Variants in MEIS1 observed in about 807,000 individuals in gnomAD.
MEIS1 encodes Meis homeobox 1, also known as homeobox protein Meis1.
MEIS1 carries 5 observed loss-of-function variants against 50.8 expected under a neutral mutation model. That is an observed-to-expected ratio of 0.10 (90% CI 0.05 to 0.21). The LOEUF is 0.21. Among genes scored for constraint, MEIS1 ranks in the 10% least tolerant of loss-of-function variants. The probability of loss-of-function intolerance (pLI) is 1.00; values close to 1 mark genes in which losing one functional copy is unlikely to be tolerated. For missense variants in MEIS1, 318 were observed against 517.3 expected, an observed-to-expected ratio of 0.61 and a Z score of 3.74; for synonymous variants, 176 against 179.3, an observed-to-expected ratio of 0.98 and a Z score of 0.15.
At chr2:66,517,713 C>T (rs1317223537) in intron 8 of MEIS1, among the ~76,000 whole-genome samples, 2 of 152,034 alleles carry the variant, frequency 1.3e-5, no homozygotes, top group South Asian at 2.1e-4. Flanking sequence ...GAAATGGAGT[C>T]GATTATTTAA....
intron 4 of MEIS1, chr2:66,440,972 A>C: frequency 2.8e-6 from 1 of 355,742 alleles, no homozygotes. Flanking sequence ...CAGCCACCGG[A>C]CAAGAGCCCC....
chr2:66,496,680 G>A (rs1286832717), intron 7 of MEIS1, among the ~76,000 whole-genome samples: 1 of 152,212 alleles, frequency 6.6e-6, no homozygotes. Context: ...GCTTCTCTCA[G>A]GCCATGCCCT....
intron 5 of MEIS1, chr2:66,441,724 A>AAAGTTGCTGGCTTTGTGTAAATAG (rs1671989319): frequency 2.2e-6 from 1 of 450,812 alleles, no homozygotes; most frequent in East Asian, 4.4e-5. Context: ...AAATAGTTGC[A>AAAGTTGCTGGCTTTGTGTAAATAG]ATTCTGTGCA....
chr2:66,496,187 AAGAT>A (rs1673398169), intron 7 of MEIS1: 1 of 152,192 alleles, frequency 6.6e-6, no homozygotes, highest in African/African-American at 2.4e-5. Flanking sequence ...TTTCTCACCC[AAGAT>A]AGATTTCAGG....
chr2:66,501,441 G>T (rs1041880444), intron 7 of MEIS1, among the ~76,000 whole-genome samples: 2 of 151,078 alleles, frequency 1.3e-5, no homozygotes, highest in Non-Finnish European at 2.9e-5. Context: ...TTTTTTCAGG[G>T]CATTTAGTTG....
rs935480467 is a variant in MEIS1 at position 66,567,688 on chromosome 2, A to G, written c.1024+177A>G. ...ACTAATCAATTTAACATCATTATAA[A>G]ACGTTTGGAGAAGGTGGAAAAAAAA... On this transcript the variant is annotated intron_variant, in intron 10 of 12. Transcript: ENST00000272369. 4.5e-5 allele frequency: 32 copies of G among 703,298 alleles called. 1 individual carries two copies. The Middle Eastern group carries it at 2.9e-3, about 64-fold the overall frequency. The allele number at this position is 703,298 out of a possible 1,614,324, so 43.6% of individuals were successfully genotyped here.
intron 7 of MEIS1, among the ~76,000 whole-genome samples, chr2:66,497,887 C>A (rs1673447303): frequency 6.6e-6 from 1 of 152,120 alleles, no homozygotes; most frequent in Admixed American, 6.6e-5. Flanking sequence ...CAATTGGCTG[C>A]CAGCTTAATG....
chr2:66,527,807 C>T (rs762270505), intron 8 of MEIS1, among the ~76,000 whole-genome samples: 22 of 152,114 alleles, frequency 1.4e-4, no homozygotes, highest in Non-Finnish European at 2.4e-4. Context: ...ATGTTACCCA[C>T]CATAAATCAT....
At chr2:66,505,644 T>A (rs1673668890) in intron 7 of MEIS1, among the ~76,000 whole-genome samples, 1 of 152,168 alleles carries the variant, frequency 6.6e-6, no homozygotes, top group African/African-American at 2.4e-5. Flanking sequence ...AAGGGGGGAA[T>A]ATAATTAATT....
intron 7 of MEIS1, among the ~76,000 whole-genome samples, chr2:66,469,776 A>T (rs544252032): frequency 6.6e-6 from 1 of 151,940 alleles, no homozygotes; most frequent in African/African-American, 2.4e-5. Flanking sequence ...TTTCTTTCCT[A>T]TGGACAACTT....
At chr2:66,553,190 G>C (rs1438408888) in intron 9 of MEIS1, among the ~76,000 whole-genome samples, 23 of 152,176 alleles carry the variant, frequency 1.5e-4, no homozygotes, top group Non-Finnish European at 5.9e-5. Context: ...GAAAGTAATT[G>C]TATTAAGCAG....
chr2:66,566,552 A>AAAC (rs1349760998), intron 9 of MEIS1, among the ~76,000 whole-genome samples: 12 of 152,282 alleles, frequency 7.9e-5, no homozygotes, highest in African/African-American at 2.9e-4. Flanking sequence ...TATGCAGAAC[A>AAAC]AACGGATCTT....
intron 10 of MEIS1, 150 bp from the exon 11 acceptor site, chr2:66,568,517 A>ACC: frequency 4.4e-6 from 2 of 449,780 alleles, no homozygotes; most frequent in South Asian, 2.5e-5. Flanking sequence ...ATCTAGTCTG[A>ACC]GAGAAATTTC....
At position 66,532,050 on chromosome 2, in the gene MEIS1, G is replaced by C. The variant is rs114817688; in HGVS notation, c.889-15893G>C. Among the ~76,000 whole-genome samples, 1,442 of 152,164 alleles carry C rather than the reference G, an allele frequency of 9.5e-3. 17 individuals are homozygous for C. The highest frequency in any genetic ancestry group is 0.033 in the African/African-American group (1,374 of 41,508). On this transcript the variant is annotated intron_variant, in intron 8 of 12. Coordinates refer to ENST00000272369, the MANE Select transcript of MEIS1 (RefSeq NM_002398.3). ...TTTTTTCTGAAACTAGTTATAACCAGTTTTAGTGGGTAAAAGGGAGGTTCT... is the reference window on the plus strand; with the variant it reads ...TTTTTTCTGAAACTAGTTATAACCACTTTTAGTGGGTAAAAGGGAGGTTCT...
intron 2 of MEIS1, among the ~76,000 whole-genome samples, chr2:66,438,335 C>G (rs750540798): frequency 2.6e-5 from 4 of 152,172 alleles, no homozygotes; most frequent in Non-Finnish European, 5.9e-5. Flanking sequence ...TGTGTTGTAA[C>G]GAAACTTTTA....
intron 7 of MEIS1, among the ~76,000 whole-genome samples, chr2:66,471,521 G>A (rs879940883): frequency 2.0e-5 from 3 of 152,050 alleles, no homozygotes; most frequent in East Asian, 3.8e-4. Context: ...TACCAACTCC[G>A]GTGTGACTTG....
intron 7 of MEIS1, among the ~76,000 whole-genome samples, chr2:66,466,810 C>T (rs1015906135): frequency 6.6e-6 from 1 of 152,084 alleles, no homozygotes; most frequent in African/African-American, 2.4e-5. Flanking sequence ...AAGAACATAT[C>T]CAAAGAGGTG....
At chr2:66,558,911 G>C (rs1437038591) in intron 9 of MEIS1, among the ~76,000 whole-genome samples, 1 of 152,146 alleles carries the variant, frequency 6.6e-6, no homozygotes, top group East Asian at 1.9e-4. Context: ...GGAGGCTGAG[G>C]AGGGCAGATC....
intron 8 of MEIS1, among the ~76,000 whole-genome samples, chr2:66,544,296 C>T (rs1674734884): frequency 1.3e-5 from 2 of 151,928 alleles, no homozygotes; most frequent in African/African-American, 2.4e-5. Flanking sequence ...ATAACTCATA[C>T]TGTCCACAAA....
Sources: gnomAD v4.1 joint callset for allele counts (sites outside exome capture counted in the v4.1 genomes callset) on GRCh38, gnomAD v4.1.1 for gene constraint, MANE v1.5 for transcripts, NCBI Gene and HGNC (gene_info 2026-07-23, HGNC 2026-07-21) for gene names.